Variants in TAFA5 observed in about 807,000 individuals in gnomAD.
TAFA5 encodes chemokine-like protein TAFA-5.
TAFA5 carries 6 observed loss-of-function variants against 15.3 expected under a neutral mutation model. That is an observed-to-expected ratio of 0.39 (90% CI 0.21 to 0.77). The LOEUF is 0.77. Among genes scored for constraint, TAFA5 ranks in the 30% least tolerant of loss-of-function variants. The pLI is 0.41. For missense variants in TAFA5, 161 were observed against 193.1 expected, an observed-to-expected ratio of 0.83 and a Z score of 0.98; for synonymous variants, 103 against 80.7, an observed-to-expected ratio of 1.28 and a Z score of -1.48.
At chr22:48,639,789 C>T (rs1926607226) in intron 1 of TAFA5, among the ~76,000 whole-genome samples, 2 of 152,128 alleles carry the variant, frequency 1.3e-5, no homozygotes, top group African/African-American at 4.8e-5. Context: ...GTACCCACCT[C>T]TACTCAGTCC....
chr22:48,576,380 C>T, intron 1 of TAFA5: 2 of 1,218,336 alleles, frequency 1.6e-6, no homozygotes, highest in Non-Finnish European at 2.1e-6. Context: ...ATGGAGGGCG[C>T]GAGCGGGCGG....
intron 1 of TAFA5, among the ~76,000 whole-genome samples, chr22:48,527,556 T>G (rs1003980625): frequency 2.6e-5 from 4 of 152,198 alleles, no homozygotes; most frequent in Non-Finnish European, 4.4e-5. Flanking sequence ...GCACAGTCCT[T>G]GGGGCACAGA....
intron 1 of TAFA5, among the ~76,000 whole-genome samples, chr22:48,602,299 C>T (rs188593668): frequency 6.6e-6 from 1 of 152,240 alleles, no homozygotes; most frequent in African/African-American, 2.4e-5. Flanking sequence ...GGCCACCCCC[C>T]CACAAGCACA....
intron 1 of TAFA5, among the ~76,000 whole-genome samples, chr22:48,610,444 A>G (rs1925358523): frequency 6.6e-6 from 1 of 152,232 alleles, no homozygotes; most frequent in Admixed American, 6.5e-5. Context: ...ACACTGAGGA[A>G]GCGCCCTCAG....
At chr22:48,619,287 C>A (rs1396753541) in intron 1 of TAFA5, among the ~76,000 whole-genome samples, 2 of 152,032 alleles carry the variant, frequency 1.3e-5, no homozygotes, top group African/African-American at 2.4e-5. Context: ...GAGCCTGAAC[C>A]CCAGACTCTT....
chr22:48,614,845 G>A (rs111361600), intron 1 of TAFA5, among the ~76,000 whole-genome samples: 107 of 152,278 alleles, frequency 7.0e-4, no homozygotes, highest in Middle Eastern at 3.4e-3. Flanking sequence ...TAGGCACTGG[G>A]GGTGGCACTG....
In TAFA5 at chr22:48,544,315, G is replaced by A. The variant is rs953451888; in HGVS notation, c.112+54611G>A. 6 of 253,818 alleles carry A rather than the reference G, an allele frequency of 2.4e-5. No homozygotes were observed. In the East Asian group the frequency reaches 4.6e-4, roughly 19 times the overall value. 15.7% of individuals were successfully genotyped at this position (253,818 alleles called of 1,614,324 possible). A position where few individuals can be genotyped will look rare whatever the true frequency, so the allele number is the denominator to read the frequency against. On this transcript the variant is annotated intron_variant, in intron 1 of 3. Coordinates refer to ENST00000402357, the MANE Select transcript of TAFA5 (RefSeq NM_001082967.3). ...GACCTGGGGGGCATCCTCCCCCTGC[G>A]TTGTCTGCCCCCTCTATGGGAGGAG...
intron 1 of TAFA5, among the ~76,000 whole-genome samples, chr22:48,496,027 C>G (rs561945844): frequency 6.6e-6 from 1 of 152,208 alleles, no homozygotes. Context: ...TCCTATCGCC[C>G]GTGAAGGCCC....
At chr22:48,561,775 T>C (rs926474132) in intron 1 of TAFA5, among the ~76,000 whole-genome samples, 4 of 152,210 alleles carry the variant, frequency 2.6e-5, no homozygotes, top group African/African-American at 4.8e-5. Flanking sequence ...GGAGCAGACG[T>C]TGAGTCACTG....
chr22:48,591,819 G>A (rs559042724), intron 1 of TAFA5, among the ~76,000 whole-genome samples: 2 of 152,270 alleles, frequency 1.3e-5, no homozygotes, highest in African/African-American at 4.8e-5. Flanking sequence ...GGAAGCCCAC[G>A]TAGCTAGGGT....
intron 2 of TAFA5, among the ~76,000 whole-genome samples, chr22:48,694,816 G>GCCGCTCCGACCTCCGCCCCCACCCC (rs1928657088): frequency 2.3e-5 from 1 of 43,636 alleles, no homozygotes; most frequent in African/African-American, 6.5e-5. Flanking sequence ...GCCCCCACCC[G>GCCGCTCCGACCTCCGCCCCCACCCC]CCGCCGCTCC....
intron 1 of TAFA5, among the ~76,000 whole-genome samples, chr22:48,595,594 A>G (rs1305430223): frequency 6.6e-6 from 1 of 152,208 alleles, no homozygotes; most frequent in Non-Finnish European, 1.5e-5. Context: ...TGGACAAGCC[A>G]CAATAAGGGA....
chr22:48,527,212 C>T (rs185908944), intron 1 of TAFA5, among the ~76,000 whole-genome samples: 8 of 152,356 alleles, frequency 5.3e-5, no homozygotes, highest in South Asian at 2.1e-4. Flanking sequence ...GAGGCGACCC[C>T]GTGGCACTCC....
intron 1 of TAFA5, among the ~76,000 whole-genome samples, chr22:48,603,428 C>A (rs959678252): frequency 6.6e-6 from 1 of 152,264 alleles, no homozygotes; most frequent in Non-Finnish European, 1.5e-5. Context: ...ACCCTGGGGA[C>A]AGTGGTGCCG....
chr22:48,697,309 G>T lies in TAFA5; in HGVS notation c.263-10408G>T, dbSNP rs529694795. Among the ~76,000 whole-genome samples the T allele has an allele frequency of 2.0e-5, 3 of 152,324 alleles. No homozygotes were observed. In the South Asian group the frequency reaches 6.2e-4, roughly 32 times the overall value. The stretch of plus-strand genomic sequence containing the variant: ...GAGGGAGTCACTCCAGGTAGCTGCT[G>T]ACGATGGAGATGGTGGTTATGGTGA... On this transcript the variant is annotated intron_variant, in intron 2 of 3. Coordinates refer to ENST00000402357, the MANE Select transcript of TAFA5 (RefSeq NM_001082967.3).
chr22:48,510,610 C>T (rs1038506186), intron 1 of TAFA5, among the ~76,000 whole-genome samples: 2 of 152,248 alleles, frequency 1.3e-5, no homozygotes, highest in Admixed American at 6.5e-5. Context: ...ATGCTGTATT[C>T]TGGGGTGGGG....
chr22:48,580,216 G>A (rs1024522372), intron 1 of TAFA5, among the ~76,000 whole-genome samples: 3 of 152,104 alleles, frequency 2.0e-5, no homozygotes, highest in Admixed American at 6.5e-5. Flanking sequence ...GAAATGAGGC[G>A]TCCTCCTGCA....
chr22:48,734,822 T>C (rs909372468), intron 3 of TAFA5, among the ~76,000 whole-genome samples: 35 of 152,228 alleles, frequency 2.3e-4, no homozygotes, highest in African/African-American at 8.4e-4. Flanking sequence ...CAGCAGCAGG[T>C]GCTGGGAAAA....
chr22:48,742,005 A>G lies in TAFA5; in HGVS notation c.391-7834A>G, dbSNP rs766538214. On this transcript the variant is annotated intron_variant, in intron 3 of 3. Coordinates refer to ENST00000402357, the MANE Select transcript of TAFA5 (RefSeq NM_001082967.3). This position sits in a 1 kb window ranked among gnomAD's most constrained non-coding sequence, Gnocchi z 6.2. ...TAAACAGTTTTTTGTTAAGAACCCCATGGTTGGGGGTAAACACTGTTCCTA... is the reference window on the plus strand; with the variant it reads ...TAAACAGTTTTTTGTTAAGAACCCCGTGGTTGGGGGTAAACACTGTTCCTA... Among the ~76,000 whole-genome samples, 3 of 152,180 alleles carry G rather than the reference A, an allele frequency of 2.0e-5. No homozygotes were observed. The highest frequency in any genetic ancestry group is 4.4e-5 in the Non-Finnish European group (3 of 68,032).
Sources: gnomAD v4.1 joint callset for allele counts (sites outside exome capture counted in the v4.1 genomes callset) on GRCh38, gnomAD v4.1.1 for gene constraint, Gnocchi (gnomAD v3.1) non-coding constraint, MANE v1.5 for transcripts, NCBI Gene and HGNC (gene_info 2026-07-23, HGNC 2026-07-21) for gene names.